TENT4B: variants seen among roughly 807,000 people sequenced by gnomAD.
The protein encoded by TENT4B is PAP associated domain containing 5.
Under a neutral mutation model 75.0 loss-of-function variants are expected in TENT4B, and 10 were observed. The observed-to-expected ratio is 0.13, with a 90% CI of 0.08 to 0.23. The LOEUF (loss-of-function observed/expected upper bound fraction) is 0.23. Ranked by LOEUF, TENT4B falls within the 10% of genes least tolerant of loss-of-function variation. The probability of loss-of-function intolerance (pLI) is 1.00; values close to 1 mark genes in which losing one functional copy is unlikely to be tolerated. For synonymous variants in TENT4B, 350 were observed against 357.7 expected (o/e 0.98, Z 0.24); for missense variants, 579 against 893.8 (o/e 0.65, Z 4.49).
chr16:50,194,992 G>A (rs998400961), intron 1 of TENT4B, among the ~76,000 whole-genome samples: 8 of 151,664 alleles, frequency 5.3e-5, no homozygotes, highest in Non-Finnish European at 8.8e-5. Flanking sequence ...CTTGTGATCC[G>A]CCTGCCTCGG....
intron 1 of TENT4B, among the ~76,000 whole-genome samples, chr16:50,186,966 G>T (rs566499459): frequency 2.3e-4 from 35 of 151,006 alleles, no homozygotes; most frequent in Middle Eastern, 6.8e-3. Flanking sequence ...TCACTTTGTT[G>T]CCCAGGCTGG....
At chr16:50,163,137 CTT>C (rs1163705459) in intron 1 of TENT4B, among the ~76,000 whole-genome samples, 3 of 152,182 alleles carry the variant, frequency 2.0e-5, no homozygotes, top group African/African-American at 7.2e-5. Flanking sequence ...TAACTTAACT[CTT>C]AGCACTGTCA....
chr16:50,206,698 T>C (rs1355608317), intron 1 of TENT4B, among the ~76,000 whole-genome samples: 1 of 152,114 alleles, frequency 6.6e-6, no homozygotes, highest in African/African-American at 2.4e-5. Flanking sequence ...CAAGGGAGCT[T>C]TCCACCTTGC....
chr16:50,223,896 T>G (rs146402508), intron 7 of TENT4B, among the ~76,000 whole-genome samples: 2 of 152,366 alleles, frequency 1.3e-5, no homozygotes, highest in African/African-American at 4.8e-5. Flanking sequence ...CATGTGGGCT[T>G]GAAAGTAAGC....
chr16:50,209,093 T>A (rs1474438702), intron 1 of TENT4B, among the ~76,000 whole-genome samples: 1 of 152,164 alleles, frequency 6.6e-6, no homozygotes, highest in Non-Finnish European at 1.5e-5. Flanking sequence ...TGCTAAATAT[T>A]TTTTGCCTTT....
At chr16:50,203,100 G>A (rs1239673463) in intron 1 of TENT4B, among the ~76,000 whole-genome samples, 1 of 152,188 alleles carries the variant, frequency 6.6e-6, no homozygotes, top group Admixed American at 6.5e-5. Flanking sequence ...CCAAGGAAGG[G>A]TTGCCATAGC....
chr16:50,203,929 A>G (rs1295992883), intron 1 of TENT4B, among the ~76,000 whole-genome samples: 1 of 152,156 alleles, frequency 6.6e-6, no homozygotes, highest in East Asian at 1.9e-4. Context: ...ATGCTCCAGG[A>G]GCCCCCAGGA....
At chr16:50,200,265 C>G (rs2030549684) in intron 1 of TENT4B, among the ~76,000 whole-genome samples, 1 of 151,392 alleles carries the variant, frequency 6.6e-6, no homozygotes, top group Non-Finnish European at 1.5e-5. Context: ...GCTTGGGAGA[C>G]TGAGGTGGGA....
intron 10 of TENT4B, 96 bp from the exon 11 acceptor site, chr16:50,227,743 T>A: frequency 7.5e-7 from 1 of 1,338,542 alleles, no homozygotes; most frequent in South Asian, 1.3e-5. Context: ...TTAAATTTAG[T>A]CCAGAGAGTA....
At chr16:50,163,417 C>CTTTTTT (rs559720798) in intron 1 of TENT4B, among the ~76,000 whole-genome samples, 3 of 132,982 alleles carry the variant, frequency 2.3e-5, no homozygotes, top group African/African-American at 2.8e-5. Context: ...GATATAATTT[C>CTTTTTT]TTTTTTTTTT....
intron 1 of TENT4B, among the ~76,000 whole-genome samples, chr16:50,194,340 T>A (rs374933124): frequency 2.6e-5 from 4 of 151,532 alleles, no homozygotes; most frequent in Non-Finnish European, 4.4e-5. Flanking sequence ...CTCAGCCTCC[T>A]GAGTTGCTGA....
At chr16:50,213,893 C>T (rs534945633) in intron 2 of TENT4B, among the ~76,000 whole-genome samples, 1 of 152,286 alleles carries the variant, frequency 6.6e-6, no homozygotes, top group East Asian at 1.9e-4. Context: ...CATGCAAATA[C>T]TCTACCATTT....
chr16:50,161,413 T>G (rs1014229294), intron 1 of TENT4B, among the ~76,000 whole-genome samples: 1 of 152,200 alleles, frequency 6.6e-6, no homozygotes, highest in African/African-American at 2.4e-5. Context: ...CTTAACCATG[T>G]GCACAAGAGA....
intron 1 of TENT4B, among the ~76,000 whole-genome samples, chr16:50,156,819 C>T (rs986517923): frequency 2.2e-4 from 33 of 152,090 alleles, no homozygotes; most frequent in Admixed American, 1.9e-3. Flanking sequence ...CCACACCTGC[C>T]TAATTTTTTT....
Position 50,227,874 on chromosome 16 carries a change from G to A in TENT4B, c.1836G>A (p.Gln612=). The change falls in exon 11 of 12, where the codon CAG becomes CAA. Residue 612 remains glutamine, a synonymous_variant. Transcript: ENST00000561678. ...SDATPCKTPK[Q]LLCRPSTGNR... ...CAACACCATGCAAAACCCCGAAACAGCTGCTTTGCCGTCCGTCCACTGGGA... is the reference window on the plus strand; with the variant it reads ...CAACACCATGCAAAACCCCGAAACAACTGCTTTGCCGTCCGTCCACTGGGA... The A allele has an allele frequency of 6.2e-7, 1 of 1,613,964 alleles. No homozygotes were observed. The highest frequency in any genetic ancestry group is 8.5e-7 in the Non-Finnish European group (1 of 1,179,900).
intron 1 of TENT4B, among the ~76,000 whole-genome samples, chr16:50,185,159 G>T (rs1466754157): frequency 6.6e-6 from 1 of 152,132 alleles, no homozygotes; most frequent in Non-Finnish European, 1.5e-5. Context: ...GCTTCTGTGG[G>T]AATTTCTGCA....
chr16:50,225,370 T>C, intron 10 of TENT4B, 85 bp downstream of exon 10: 9 of 1,217,626 alleles, frequency 7.4e-6, no homozygotes, highest in Non-Finnish European at 1.0e-5. Context: ...AGGCTAAGGC[T>C]ACTTCCTTTG....
rs534928514 is a variant in TENT4B at position 50,230,923 on chromosome 16, A to G, written c.*1595A>G. ...TCTGAGACGAGATTCTTTTATATAT[A>G]TATACATATAAAGTACTATTGGCTT... On this transcript the variant is annotated 3_prime_UTR_variant, in exon 12 of 12. Transcript: ENST00000561678. The G allele has an allele frequency of 7.1e-6, 7 of 980,842 alleles. No individual in the cohort carries two copies. The highest frequency in any genetic ancestry group is 7.3e-6 in the Non-Finnish European group (6 of 825,380). The allele number at this position is 980,842 out of a possible 1,614,324, so 60.8% of individuals were successfully genotyped here. A position where few individuals can be genotyped will look rare whatever the true frequency, so the allele number is the denominator to read the frequency against.
intron 1 of TENT4B, among the ~76,000 whole-genome samples, chr16:50,176,852 A>G (rs2038321166): frequency 6.6e-6 from 1 of 151,850 alleles, no homozygotes; most frequent in Non-Finnish European, 1.5e-5. Context: ...CTAGTATTTT[A>G]TTTAGCATTT....
Sources: gnomAD v4.1 joint callset for allele counts (sites outside exome capture counted in the v4.1 genomes callset) on GRCh38, gnomAD v4.1.1 for gene constraint, MANE v1.5 for transcripts, NCBI Gene and HGNC (gene_info 2026-07-23, HGNC 2026-07-21) for gene names.